Variants in KIF16B observed in about 807,000 individuals in gnomAD.
The protein encoded by KIF16B is kinesin-like protein KIF16B.
A neutral mutation model predicts 156.3 loss-of-function variants in KIF16B; 98 were observed. The ratio of observed to expected loss-of-function variants is 0.63; its 90% CI spans 0.53 to 0.74. The LOEUF (loss-of-function observed/expected upper bound fraction) is 0.74. KIF16B is among the 30% of genes least tolerant of loss of function. The probability of loss-of-function intolerance (pLI) is 0.00; values close to 1 mark genes in which losing one functional copy is unlikely to be tolerated. For missense variants in KIF16B, 1,421 were observed against 1,606.5 expected (o/e 0.88, Z 1.97); for synonymous variants, 564 against 583.7 (o/e 0.97, Z 0.49).
intron 1 of KIF16B, among the ~76,000 whole-genome samples, chr20:16,555,747 G>C (rs1600691300): frequency 6.6e-6 from 1 of 152,086 alleles, no homozygotes; most frequent in South Asian, 2.1e-4. Context: ...AGGGAAAAGG[G>C]GGAAGATGGC....
chr20:16,280,723 C>T (rs768467611), intron 25 of KIF16B, among the ~76,000 whole-genome samples: 3 of 152,136 alleles, frequency 2.0e-5, no homozygotes, highest in South Asian at 2.1e-4. Flanking sequence ...AATTTAATCC[C>T]GAAGGTTCAA....
intron 12 of KIF16B, among the ~76,000 whole-genome samples, chr20:16,458,606 T>C (rs2067270503): frequency 6.6e-6 from 1 of 152,140 alleles, no homozygotes; most frequent in Admixed American, 6.5e-5. Flanking sequence ...CTTTGAAACA[T>C]GAGGCTTAAC....
chr20:16,473,553 T>C (rs949993771), intron 12 of KIF16B, among the ~76,000 whole-genome samples: 1 of 152,130 alleles, frequency 6.6e-6, no homozygotes, highest in African/African-American at 2.4e-5. Flanking sequence ...CTTTGAGAAA[T>C]GCTAGTATAG....
chr20:16,500,318 C>T (rs1240384569), intron 10 of KIF16B, among the ~76,000 whole-genome samples: 1 of 152,152 alleles, frequency 6.6e-6, no homozygotes, highest in East Asian at 1.9e-4. Flanking sequence ...ACGTCCTTTG[C>T]CCCCTTTCCT....
chr20:16,447,978 G>A (rs1363770933), intron 12 of KIF16B, among the ~76,000 whole-genome samples: 1 of 152,154 alleles, frequency 6.6e-6, no homozygotes, highest in African/African-American at 2.4e-5. Context: ...ATGGACAGGT[G>A]TGTGAAGTAA....
At chr20:16,375,496 C>T (rs374679450) in intron 19 of KIF16B, among the ~76,000 whole-genome samples, 39 of 152,162 alleles carry the variant, frequency 2.6e-4, no homozygotes, top group African/African-American at 8.9e-4. Context: ...GGGACCCACA[C>T]GAGGCTGTGC....
Position 16,368,811 on chromosome 20 carries a change from G to A in KIF16B, c.3498+1775C>T, listed in dbSNP as rs149806539. 4,388 of 985,784 alleles carry A rather than the reference G, an allele frequency of 4.5e-3. 25 individuals are homozygous for A. The highest frequency in any genetic ancestry group is 0.034 in the South Asian group (720 of 21,274). 61.1% of individuals were successfully genotyped at this position (985,784 alleles called of 1,614,324 possible). On this transcript the variant is annotated intron_variant, in intron 22 of 25. Coordinates refer to ENST00000354981, the MANE Select transcript of KIF16B (RefSeq NM_024704.5). Reference sequence around the variant, plus strand: ...TGCCTTGCCTGGCCTGCTTGCCTCCGCTATTTATAGACACTTCTTGGGACG... The same window carrying A: ...TGCCTTGCCTGGCCTGCTTGCCTCCACTATTTATAGACACTTCTTGGGACG...
chr20:16,323,645 C>A (rs2063802633), intron 24 of KIF16B, among the ~76,000 whole-genome samples: 1 of 151,800 alleles, frequency 6.6e-6, no homozygotes, highest in Non-Finnish European at 1.5e-5. Context: ...TAACTTAAGC[C>A]CATACCACAC....
At chr20:16,368,003 A>C in intron 22 of KIF16B, 3 of 1,421,772 alleles carry the variant, frequency 2.1e-6, no homozygotes, top group South Asian at 1.5e-5. Flanking sequence ...AAAGCATATA[A>C]AGTTGACTGA....
At chr20:16,438,993 G>C (rs1008376857) in intron 12 of KIF16B, among the ~76,000 whole-genome samples, 1 of 152,158 alleles carries the variant, frequency 6.6e-6, no homozygotes, top group East Asian at 1.9e-4. Flanking sequence ...GTCTGTGAAC[G>C]TTAACAAATG....
chr20:16,540,931 C>T (rs113790360), intron 1 of KIF16B, among the ~76,000 whole-genome samples: 40 of 152,122 alleles, frequency 2.6e-4, no homozygotes, highest in African/African-American at 8.2e-4. Context: ...AGGGCTTCCA[C>T]AGTTAGATGC....
At position 16,520,204 on chromosome 20, in the gene KIF16B, C is replaced by G. The variant is rs972602779; in HGVS notation, c.232-4540G>C. 7.9e-5 allele frequency among the ~76,000 whole-genome samples: 12 copies of G among 151,872 alleles called. No homozygotes were observed. In the East Asian group the frequency reaches 2.3e-3, roughly 30 times the overall value. On this transcript the variant is annotated intron_variant, in intron 3 of 25. Coordinates refer to ENST00000354981, the MANE Select transcript of KIF16B (RefSeq NM_024704.5). Reference sequence around the variant, plus strand: ...ACCGTTCATTCCCCTGGAAAGGAAGCTGAAGCCAGGGAGCCAAGTGGTCTA... The same window carrying G: ...ACCGTTCATTCCCCTGGAAAGGAAGGTGAAGCCAGGGAGCCAAGTGGTCTA...
intron 1 of KIF16B, among the ~76,000 whole-genome samples, chr20:16,555,754 T>C (rs74971487): frequency 0.04 from 6,085 of 152,170 alleles, 369 homozygotes; most frequent in African/African-American, 0.14. Context: ...AGGGGGAAGA[T>C]GGCAAAAACA....
chr20:16,531,619 C>T (rs1440943496), intron 1 of KIF16B, among the ~76,000 whole-genome samples: 1 of 152,182 alleles, frequency 6.6e-6, no homozygotes, highest in Non-Finnish European at 1.5e-5. Flanking sequence ...AGTGGGAACA[C>T]GCCAATGTTC....
At chr20:16,450,617 T>C (rs913505745) in intron 12 of KIF16B, among the ~76,000 whole-genome samples, 1 of 152,224 alleles carries the variant, frequency 6.6e-6, no homozygotes, top group East Asian at 1.9e-4. Flanking sequence ...CTGACTGTAT[T>C]GTCACGACGT....
intron 17 of KIF16B, among the ~76,000 whole-genome samples, chr20:16,383,517 T>C (rs1172223942): frequency 6.6e-6 from 1 of 152,244 alleles, no homozygotes; most frequent in African/African-American, 2.4e-5. Flanking sequence ...ATCAGCCATA[T>C]AAATCTAAAT....
intron 25 of KIF16B, among the ~76,000 whole-genome samples, chr20:16,307,789 G>A (rs1197850396): frequency 6.6e-6 from 1 of 152,012 alleles, no homozygotes; most frequent in African/African-American, 2.4e-5. Flanking sequence ...CTTTACCACT[G>A]GCAGTTCGAG....
At chr20:16,410,458 T>A (rs1204080159) in intron 15 of KIF16B, among the ~76,000 whole-genome samples, 1 of 151,828 alleles carries the variant, frequency 6.6e-6, no homozygotes, top group Non-Finnish European at 1.5e-5. Flanking sequence ...TTTTTTGGAT[T>A]TCAGAATACT....
intron 2 of KIF16B, among the ~76,000 whole-genome samples, chr20:16,527,633 G>A (rs1034506237): frequency 1.3e-5 from 2 of 152,162 alleles, no homozygotes; most frequent in African/African-American, 2.4e-5. Context: ...CTGGAGTGCA[G>A]TGGCACAAAC....
Sources: gnomAD v4.1 joint callset for allele counts (sites outside exome capture counted in the v4.1 genomes callset) on GRCh38, gnomAD v4.1.1 for gene constraint, MANE v1.5 for transcripts, NCBI Gene and HGNC (gene_info 2026-07-23, HGNC 2026-07-21) for gene names.